The following HNMT variants were observed in gnomAD, a reference collection of about 807,000 sequenced individuals.
HNMT encodes histamine N-methyltransferase.
HNMT carries 30 observed loss-of-function variants against 32.1 expected under a neutral mutation model. The ratio of observed to expected loss-of-function variants is 0.93; its 90% CI spans 0.70 to 1.27. HNMT has a LOEUF of 1.27. Among genes scored for constraint, HNMT ranks in the 50% most tolerant of loss-of-function variants. The pLI is 0.00. For missense variants in HNMT, 327 were observed against 346.0 expected (o/e 0.95, Z 0.43); for synonymous variants, 125 against 119.0 (o/e 1.05, Z -0.33).
chr2:137,999,935 C>T (rs1681109629), intron 2 of HNMT, among the ~76,000 whole-genome samples: 1 of 149,658 alleles, frequency 6.7e-6, no homozygotes, highest in Non-Finnish European at 1.5e-5. Context: ...AAAAAAGAAG[C>T]TTGGAGAGGT....
At chr2:137,986,174 T>C (rs1680646046) in intron 2 of HNMT, among the ~76,000 whole-genome samples, 1 of 151,020 alleles carries the variant, frequency 6.6e-6, no homozygotes, top group Non-Finnish European at 1.5e-5. Context: ...TACAAAATAA[T>C]AAAAGAAAAA....
In HNMT at chr2:138,015,210, G is replaced by A. The variant is rs965674732; in HGVS notation, c.*1080G>A. On this transcript the variant is annotated 3_prime_UTR_variant, in exon 6 of 6. Coordinates refer to ENST00000280097, the MANE Select transcript of HNMT (RefSeq NM_006895.3). Reference sequence around the variant, plus strand: ...GATGTTTCTTATTTTTAATAATAACGCTCTGTTATTTTTGACATAAACAGT... The same window carrying A: ...GATGTTTCTTATTTTTAATAATAACACTCTGTTATTTTTGACATAAACAGT... 2.6e-5 allele frequency: 4 copies of A among 151,832 alleles called. No homozygotes were observed. Among genetic ancestry groups the A allele is most frequent in the African/African-American group, 9.7e-5 (4 of 41,384 alleles). The allele number at this position is 151,832 out of a possible 1,614,324, so 9.4% of individuals were successfully genotyped here. A position where few individuals can be genotyped will look rare whatever the true frequency, so the allele number is the denominator to read the frequency against.
intron 2 of HNMT, among the ~76,000 whole-genome samples, chr2:137,982,121 T>A (rs2104945095): frequency 6.6e-6 from 1 of 152,324 alleles, no homozygotes; most frequent in Admixed American, 6.5e-5. Flanking sequence ...AGTGCTGGGA[T>A]TACAGGCAGG....
chr2:138,012,101 A>T (rs1020091596), intron 5 of HNMT, among the ~76,000 whole-genome samples: 3 of 152,164 alleles, frequency 2.0e-5, no homozygotes, highest in African/African-American at 7.2e-5. Context: ...CAAGAATGCA[A>T]TCAGTGGAAA....
Position 138,007,516 on chromosome 2 carries a change from C to T in HNMT, c.523+2291C>T, listed in dbSNP as rs118185789. On this transcript the variant is annotated intron_variant, in intron 5 of 5. Coordinates refer to ENST00000280097, the MANE Select transcript of HNMT (RefSeq NM_006895.3). Reference sequence around the variant, plus strand: ...CATGTCATACTTAACTCTTAAAGATCCAGAGTAAATGATGGAGTTCTCATT... The same window carrying T: ...CATGTCATACTTAACTCTTAAAGATTCAGAGTAAATGATGGAGTTCTCATT... 1.7e-3 allele frequency among the ~76,000 whole-genome samples: 264 copies of T among 152,028 alleles called. 1 individual carries two copies. The East Asian group carries it at 0.045, about 26-fold the overall frequency.
intron 2 of HNMT, among the ~76,000 whole-genome samples, chr2:137,990,400 T>C (rs952519526): frequency 5.9e-5 from 9 of 152,168 alleles, no homozygotes; most frequent in Non-Finnish European, 8.8e-5. Flanking sequence ...ACTATATTTA[T>C]GTGGGTCTAT....
chr2:137,974,233 T>G (rs1680219812), intron 2 of HNMT, among the ~76,000 whole-genome samples: 1 of 152,158 alleles, frequency 6.6e-6, no homozygotes, highest in South Asian at 2.1e-4. Context: ...TTTGTGTGCT[T>G]TAATGAGACA....
intron 2 of HNMT, among the ~76,000 whole-genome samples, chr2:137,989,031 A>C (rs1680736961): frequency 6.6e-6 from 1 of 152,166 alleles, no homozygotes. Context: ...TTATATATAT[A>C]TTCCCTCCCA....
chr2:137,997,128 C>G (rs1681021716), intron 2 of HNMT, among the ~76,000 whole-genome samples: 1 of 152,130 alleles, frequency 6.6e-6, no homozygotes, highest in South Asian at 2.1e-4. Flanking sequence ...GACTTCATGA[C>G]AAAAATGCCA....
At chr2:137,979,741 C>CT (rs1680429104) in intron 2 of HNMT, among the ~76,000 whole-genome samples, 1 of 151,810 alleles carries the variant, frequency 6.6e-6, no homozygotes, top group Non-Finnish European at 1.5e-5. Context: ...CCTAGATAGA[C>CT]TAAGAAAAAA....
chr2:138,012,470 G>T (rs1340416216), intron 5 of HNMT, among the ~76,000 whole-genome samples: 2 of 152,112 alleles, frequency 1.3e-5, no homozygotes, highest in Non-Finnish European at 2.9e-5. Flanking sequence ...GTTATTGTCA[G>T]TCCAAGGCAG....
At chr2:137,987,728 A>G (rs561592505) in intron 2 of HNMT, among the ~76,000 whole-genome samples, 2 of 151,064 alleles carry the variant, frequency 1.3e-5, no homozygotes, top group East Asian at 2.0e-4. Context: ...CAGTTATTCA[A>G]TCCAGCATTT....
intron 1 of HNMT, among the ~76,000 whole-genome samples, chr2:137,965,250 TG>T (rs1426653748): frequency 5.9e-5 from 9 of 152,290 alleles, no homozygotes; most frequent in African/African-American, 2.2e-4. Flanking sequence ...TTCTTTTTTT[TG>T]GGTGATTAAT....
intron 5 of HNMT, among the ~76,000 whole-genome samples, chr2:138,009,272 G>A (rs906992564): frequency 5.9e-5 from 9 of 152,070 alleles, no homozygotes; most frequent in Non-Finnish European, 1.0e-4. Context: ...AGGTTGTGGA[G>A]TAAAAGGAAC....
rs1680382393 is a variant in HNMT at position 137,978,793 on chromosome 2, A to ATG, written c.190+8576_190+8577insTG. Among the ~76,000 whole-genome samples the ATG allele has an allele frequency of 7.2e-5, 10 of 139,522 alleles. No individual in the cohort carries two copies. The South Asian group carries it at 9.2e-4, about 13-fold the overall frequency. The allele number at this position is 139,522 out of a possible 152,430, so 91.5% of individuals were successfully genotyped here. A position where few individuals can be genotyped will look rare whatever the true frequency, so the allele number is the denominator to read the frequency against. ...AATATAGTATTATATAATACTTTAT[A>ATG]ATTATGTAATATAGTATTATATAAT... is the stretch of plus-strand genomic sequence containing the variant. On this transcript the variant is annotated intron_variant, in intron 2 of 5. Transcript: ENST00000280097.
At chr2:137,986,160 T>C (rs1302564035) in intron 2 of HNMT, among the ~76,000 whole-genome samples, 8 of 151,568 alleles carry the variant, frequency 5.3e-5, no homozygotes, top group Admixed American at 2.6e-4. Flanking sequence ...AATAGTCACT[T>C]GCATACAAAA....
intron 4 of HNMT, chr2:138,002,579 T>C (rs555395434): frequency 2.6e-4 from 53 of 203,198 alleles, no homozygotes; most frequent in Non-Finnish European, 4.0e-4. Context: ...TCCTGGTTAG[T>C]TGAGACCACA....
rs753408690 is a variant in HNMT at position 138,000,915 on chromosome 2, T to G, written c.191-3T>G. 10 of 1,547,962 alleles carry G rather than the reference T, an allele frequency of 6.5e-6. No individual in the cohort carries two copies. Among genetic ancestry groups the G allele is most frequent in the African/African-American group, 1.4e-5 (1 of 73,184 alleles). ...TGACCTGTCCCATATGTTTATCTTC[T>G]AGGTGAAATTGATCTTCAAATTCTC... On this transcript the variant is annotated splice_polypyrimidine_tract_variant and splice_region_variant and intron_variant, in intron 2 of 5. Transcript: ENST00000280097.
Position 137,994,201 on chromosome 2 carries a change from T to C in HNMT, c.191-6717T>C, listed in dbSNP as rs547074544. ...ACCTTAAATGTAAATGAGCTAAATG[T>C]CCCAATTAAAAGACACAGTCTGACA... On this transcript the variant is annotated intron_variant, in intron 2 of 5. Coordinates refer to ENST00000280097, the MANE Select transcript of HNMT (RefSeq NM_006895.3). 1.4e-3 allele frequency among the ~76,000 whole-genome samples: 218 copies of C among 152,198 alleles called. 2 individuals are homozygous for C. Among genetic ancestry groups the C allele is most frequent in the African/African-American group, 5.0e-3 (209 of 41,528 alleles).
Sources: gnomAD v4.1 joint callset for allele counts (sites outside exome capture counted in the v4.1 genomes callset) on GRCh38, gnomAD v4.1.1 for gene constraint, MANE v1.5 for transcripts, NCBI Gene and HGNC (gene_info 2026-07-23, HGNC 2026-07-21) for gene names.